Variants in CSTF3 observed in about 807,000 individuals in gnomAD.
CSTF3 encodes CF-1 77 kDa subunit.
Under a neutral mutation model 105.8 loss-of-function variants are expected in CSTF3, and 29 were observed. The observed-to-expected ratio is 0.27, with a 90% CI of 0.20 to 0.37. The LOEUF (loss-of-function observed/expected upper bound fraction) is 0.37. Ranked by LOEUF, CSTF3 falls within the 10% of genes least tolerant of loss-of-function variation. The pLI is 1.00. For missense variants in CSTF3, 357 were observed against 879.3 expected, an observed-to-expected ratio of 0.41 and a Z score of 7.51; for synonymous variants, 252 against 281.9, an observed-to-expected ratio of 0.89 and a Z score of 1.06.
At chr11:33,103,533 C>T (rs1855299137) in intron 8 of CSTF3, among the ~76,000 whole-genome samples, 1 of 152,016 alleles carries the variant, frequency 6.6e-6, no homozygotes, top group Admixed American at 6.6e-5. Context: ...TTTGGGAGGC[C>T]GAGTTGGGTG....
intron 18 of CSTF3, 55 bp from the exon 19 acceptor site, chr11:33,086,044 G>T: frequency 2.7e-6 from 3 of 1,127,420 alleles, no homozygotes; most frequent in Non-Finnish European, 3.6e-6. Flanking sequence ...TCTACACAGA[G>T]CTAAAATCAA....
intron 3 of CSTF3, among the ~76,000 whole-genome samples, chr11:33,130,754 G>A (rs1855590182): frequency 6.6e-6 from 1 of 152,120 alleles, no homozygotes; most frequent in Non-Finnish European, 1.5e-5. Flanking sequence ...TAAAGAATAT[G>A]TTCTTTGATT....
intron 5 of CSTF3, among the ~76,000 whole-genome samples, chr11:33,107,609 ATGAAGATGGTTTT>A (rs1855339706): frequency 7.0e-6 from 1 of 143,100 alleles, no homozygotes; most frequent in South Asian, 2.4e-4. Context: ...TAGCACAAGT[ATGAAGATGGTTTT>A]TGAAAAAATT....
chr11:33,158,236 T>C (rs1849890869), intron 1 of CSTF3, among the ~76,000 whole-genome samples: 1 of 152,192 alleles, frequency 6.6e-6, no homozygotes, highest in African/African-American at 2.4e-5. Flanking sequence ...TCCTTGTTGA[T>C]AATCAGATGT....
chr11:33,127,520 C>T (rs1855556070), intron 3 of CSTF3, among the ~76,000 whole-genome samples: 1 of 152,128 alleles, frequency 6.6e-6, no homozygotes. Flanking sequence ...TTATATTTCT[C>T]TCCTCATACC....
intron 8 of CSTF3, 28 bp from the exon 9 acceptor site, chr11:33,103,212 T>C: frequency 9.0e-7 from 1 of 1,108,960 alleles, no homozygotes; most frequent in East Asian, 2.8e-5. Context: ...TATTTTAAAA[T>C]TAAGTATAGT....
At chr11:33,140,021 G>A (rs899843180) in intron 3 of CSTF3, among the ~76,000 whole-genome samples, 1 of 152,012 alleles carries the variant, frequency 6.6e-6, no homozygotes, top group Non-Finnish European at 1.5e-5. Flanking sequence ...ATAATAAAAT[G>A]CATGAATAAT....
rs905762663 is a variant in CSTF3 at position 33,131,642 on chromosome 11, C to T, written c.225+10025G>A. On this transcript the variant is annotated intron_variant, in intron 3 of 20. Coordinates refer to ENST00000323959, the MANE Select transcript of CSTF3 (RefSeq NM_001326.3). ...CAGGCGGATCACGAGGTCAGGAGAT[C>T]GAGACCATCCTGGCTAACACAGTGA... Among the ~76,000 whole-genome samples, 12 of 151,672 alleles carry T rather than the reference C, an allele frequency of 7.9e-5. No homozygotes were observed. In the East Asian group the frequency reaches 1.6e-3, roughly 20 times the overall value.
At chr11:33,152,548 G>A (rs1181915365) in intron 1 of CSTF3, among the ~76,000 whole-genome samples, 1 of 152,194 alleles carries the variant, frequency 6.6e-6, no homozygotes, top group Non-Finnish European at 1.5e-5. Context: ...TTAACCGTCT[G>A]TTATGTGAAG....
intron 1 of CSTF3, among the ~76,000 whole-genome samples, chr11:33,153,844 T>C (rs1028478771): frequency 1.3e-5 from 2 of 152,000 alleles, no homozygotes; most frequent in Non-Finnish European, 2.9e-5. Context: ...CACAAAAGTA[T>C]GAATAGAGGG....
intron 3 of CSTF3, among the ~76,000 whole-genome samples, chr11:33,129,855 G>C (rs139470714): frequency 6.6e-6 from 1 of 152,142 alleles, no homozygotes; most frequent in Non-Finnish European, 1.5e-5. Context: ...CTGTTTTATA[G>C]GTAAATAATA....
chr11:33,127,786 C>T lies in CSTF3; in HGVS notation c.225+13881G>A, dbSNP rs61185762. On this transcript the variant is annotated intron_variant, in intron 3 of 20. Transcript: ENST00000323959. Reference sequence around the variant, plus strand: ...AGTCTTTGGGTATTCCAAAAGTATCCAGAAGACATCAAAACATTTTACAGG... The same window carrying T: ...AGTCTTTGGGTATTCCAAAAGTATCTAGAAGACATCAAAACATTTTACAGG... Among the ~76,000 whole-genome samples, 1,246 of 152,152 alleles carry T rather than the reference C, an allele frequency of 8.2e-3. 18 individuals are homozygous for T. The highest frequency in any genetic ancestry group is 0.028 in the African/African-American group (1,172 of 41,522).
At chr11:33,093,755 T>G (rs1246158820) in intron 15 of CSTF3, among the ~76,000 whole-genome samples, 1 of 152,204 alleles carries the variant, frequency 6.6e-6, no homozygotes, top group Non-Finnish European at 1.5e-5. Flanking sequence ...TCACCCAGGC[T>G]GGAGTGCAGT....
At chr11:33,159,722 G>C (rs1849914975) in intron 1 of CSTF3, among the ~76,000 whole-genome samples, 1 of 151,930 alleles carries the variant, frequency 6.6e-6, no homozygotes, top group African/African-American at 2.4e-5. Flanking sequence ...ATGGTGAGCT[G>C]TGATGGCGTC....
intron 5 of CSTF3, among the ~76,000 whole-genome samples, chr11:33,107,106 C>T (rs1855334728): frequency 1.3e-5 from 2 of 151,710 alleles, no homozygotes; most frequent in Non-Finnish European, 2.9e-5. Flanking sequence ...GCTTGAGACC[C>T]TGCTACGTTT....
At chr11:33,109,131 G>A (rs1234968564) in intron 3 of CSTF3, among the ~76,000 whole-genome samples, 1 of 152,194 alleles carries the variant, frequency 6.6e-6, no homozygotes, top group Non-Finnish European at 1.5e-5. Flanking sequence ...AAAGGGAAGA[G>A]TTATTCCAGG....
chr11:33,134,553 A>C, intron 3 of CSTF3: 1 of 152,232 alleles, frequency 6.6e-6, no homozygotes, highest in East Asian at 1.9e-4. Context: ...TGTAATACTT[A>C]GTAGTGTTGT....
intron 15 of CSTF3, among the ~76,000 whole-genome samples, chr11:33,094,036 C>A (rs1030834724): frequency 2.6e-5 from 4 of 152,166 alleles, no homozygotes; most frequent in Non-Finnish European, 1.5e-5. Flanking sequence ...TGCTCAATAC[C>A]TAATAGTCTA....
chr11:33,121,435 T>G (rs1301360524), intron 3 of CSTF3, among the ~76,000 whole-genome samples: 2 of 152,150 alleles, frequency 1.3e-5, no homozygotes, highest in East Asian at 3.8e-4. Flanking sequence ...ACGGCCACAT[T>G]TAAAGGCTTA....
Sources: allele counts gnomAD v4.1 joint callset (sites outside exome capture counted in the v4.1 genomes callset), GRCh38; gene constraint gnomAD v4.1.1; transcripts MANE v1.5; gene names NCBI Gene and HGNC (gene_info 2026-07-23, HGNC 2026-07-21).